Variants in B4GALNT4 observed in about 807,000 individuals in gnomAD.
The protein encoded by B4GALNT4 is N-acetyl-beta-glucosaminyl-glycoprotein 4-beta-N-acetylgalactosaminyltransferase 1.
Under a neutral mutation model 110.0 loss-of-function variants are expected in B4GALNT4, and 77 were observed. That is an observed-to-expected ratio of 0.70 (90% CI 0.58 to 0.85). The LOEUF is 0.85. Among genes scored for constraint, B4GALNT4 ranks in the 40% least tolerant of loss-of-function variants. B4GALNT4 has a pLI of 0.00. For missense variants in B4GALNT4, 1,575 were observed against 1,506.0 expected (o/e 1.05, Z -0.76); for synonymous variants, 785 against 655.5 (o/e 1.20, Z -3.02).
chr11:377,389 AGGTCCT>A (rs1160493777), intron 14 of B4GALNT4, 62 bp downstream of exon 14: 13 of 1,429,972 alleles, frequency 9.1e-6, no homozygotes, highest in Admixed American at 7.9e-5. Context: ...CGGGGAGAGG[AGGTCCT>A]GGCCTTGGCG....
chr11:374,215 C>G (rs1846678374), intron 8 of B4GALNT4, among the ~76,000 whole-genome samples: 1 of 152,070 alleles, frequency 6.6e-6, no homozygotes, highest in South Asian at 2.1e-4. Context: ...GACAGATAGG[C>G]CTTTGTCCTG....
In B4GALNT4 at chr11:373,030, G is replaced by A. The variant is rs764676542; in HGVS notation, c.449G>A (p.Arg150His). 18 of 1,612,374 alleles carry A rather than the reference G, an allele frequency of 1.1e-5. No homozygotes were observed. The highest frequency in any genetic ancestry group is 2.2e-5 in the South Asian group (2 of 91,078). Residue 150 changes from arginine (R) to histidine (H), a missense_variant, in exon 5 of 20, where the codon CGC (arginine) becomes CAC (histidine). By Grantham distance (29) the Arg-to-His change is conservative (BLOSUM62 0). Coordinates refer to ENST00000329962, the MANE Select transcript of B4GALNT4 (RefSeq NM_178537.5). Reference protein sequence around the residue: ...NLHFPLFPHTRTTVKKLAVSP... With the variant: ...NLHFPLFPHTHTTVKKLAVSP... ...CAACAGTCACTGCCCCCCCAGACGC[G>A]CACCACCGTGAAGAAGTTGGCCGTG... is the stretch of plus-strand genomic sequence containing the variant.
At position 375,605 on chromosome 11, in the gene B4GALNT4, G is replaced by A. The variant is rs373642562; in HGVS notation, c.851-34G>A. On this transcript the variant is annotated intron_variant, in intron 9 of 19. Transcript: ENST00000329962. ...GTGAGTGGGAAGAGTGGAGGAGGGG[G>A]TCTGAGCACTCCCTGGAACTCTTCT... The A allele has an allele frequency of 8.1e-6, 13 of 1,598,508 alleles. No individual in the cohort carries two copies. The African/African-American group carries it at 9.3e-5, about 11-fold the overall frequency.
rs773263663 is a variant in B4GALNT4, at chr11:380,297, C to T, written c.2721C>T (p.Ala907=). The T allele has an allele frequency of 6.2e-7, 1 of 1,612,960 alleles. No individual in the cohort carries two copies. The highest frequency in any genetic ancestry group is 1.3e-5 in the African/African-American group (1 of 74,898). ...LQAGVDAVED[A]SSIVFLCDLH... The stretch of plus-strand genomic sequence containing the variant: ...AGACCTCCCGCACCCCCCAGGACGC[C>T]AGCAGCATCGTGTTCCTCTGCGACC... Residue 907 remains alanine (A), a synonymous_variant, in exon 18 of 20, where the codon GCC becomes GCT. Transcript: ENST00000329962.
In B4GALNT4 at chr11:376,872, G is replaced by A; in HGVS notation, c.1749G>A (p.Gln583=). Residue 583 remains glutamine (Q), a synonymous_variant, in exon 14 of 20, where the codon CAG becomes CAA. Transcript: ENST00000329962. ...RPHGRRTGGP[Q]ATQPRPPARA... ...ACGGCCGCAGGACCGGCGGCCCCCA[G>A]GCCACACAGCCGAGGCCCCCAGCCC... is the stretch of plus-strand genomic sequence containing the variant. 1.5e-6 allele frequency: 2 copies of A among 1,333,392 alleles called. No homozygotes were observed. Among genetic ancestry groups the A allele is most frequent in the Non-Finnish European group, 1.9e-6 (2 of 1,045,078 alleles). 82.6% of individuals were successfully genotyped at this position (1,333,392 alleles called of 1,614,324 possible).
intron 2 of B4GALNT4, 126 bp from the exon 3 acceptor site, chr11:372,536 G>A (rs1052358372): frequency 1.2e-6 from 1 of 863,268 alleles, no homozygotes; most frequent in Admixed American, 2.0e-5. Flanking sequence ...GCATGGCTGG[G>A]GCTCACGGGC....
rs1394866677 is a variant in B4GALNT4 at position 379,716 on chromosome 11, C to T, written c.2488+15C>T. ...CATCGTGCCAGGTTCGCAGGGCGGG[C>T]TCGGGGTGTCCGGGAGACCTCGTGG... On this transcript the variant is annotated intron_variant, in intron 15 of 19. Transcript: ENST00000329962. The T allele has an allele frequency of 2.7e-6, 4 of 1,502,094 alleles. No individual in the cohort carries two copies. The highest frequency in any genetic ancestry group is 1.8e-4 in the Middle Eastern group (1 of 5,560). The allele number at this position is 1,502,094 out of a possible 1,614,324, so 93.0% of individuals were successfully genotyped here. A position where few individuals can be genotyped will look rare whatever the true frequency, so the allele number is the denominator to read the frequency against.
Position 377,061 on chromosome 11 carries a change from G to A in B4GALNT4, c.1938G>A (p.Glu646=). The change falls in exon 14 of 20, where the codon GAG becomes GAA. Residue 646 remains glutamate, a synonymous_variant. Coordinates refer to ENST00000329962, the MANE Select transcript of B4GALNT4 (RefSeq NM_178537.5). ...AGCTGCCCGGGGAGGGCGAAGAGGAGGAGGAAGGGGAGGACGATGGGGCCC... is the reference window on the plus strand; with the variant it reads ...AGCTGCCCGGGGAGGGCGAAGAGGAAGAGGAAGGGGAGGACGATGGGGCCC... The part of the protein sequence containing the change: ...GPQLPGEGEE[E]EEGEDDGAPG... 1.0e-5 allele frequency: 15 copies of A among 1,441,616 alleles called. No homozygotes were observed. Among genetic ancestry groups the A allele is most frequent in the Non-Finnish European group, 1.4e-5 (15 of 1,097,728 alleles). 89.3% of individuals were successfully genotyped at this position (1,441,616 alleles called of 1,614,324 possible).
chr11:377,406 G>C (rs1846781846), intron 14 of B4GALNT4, 79 bp downstream of exon 14: 1 of 1,388,640 alleles, frequency 7.2e-7, no homozygotes, highest in Non-Finnish European at 9.4e-7. Flanking sequence ...GGCCTTGGCG[G>C]ACTCCTCAGA....
In B4GALNT4 at chr11:376,480, G is replaced by A. The variant is rs1846756354; in HGVS notation, c.1357G>A (p.Ala453Thr). Residue 453 changes from alanine (A) to threonine (T), a missense_variant, in exon 14 of 20, where the codon GCC becomes ACC. Physicochemically the swap from Ala to Thr is moderately conservative, Grantham distance 58. Coordinates refer to ENST00000329962, the MANE Select transcript of B4GALNT4 (RefSeq NM_178537.5). ...LLDSLEPTEA[A>T]PPRSGPQSPA... ...CGACAGCCTGGAGCCCACCGAGGCGGCCCCGCCCAGGAGCGGCCCCCAGTC... is the reference window on the plus strand; with the variant it reads ...CGACAGCCTGGAGCCCACCGAGGCGACCCCGCCCAGGAGCGGCCCCCAGTC... 1 of 1,587,488 alleles carries A rather than the reference G, an allele frequency of 6.3e-7. No homozygotes were observed. The highest frequency in any genetic ancestry group is 8.5e-7 in the Non-Finnish European group (1 of 1,175,170).
Position 379,569 on chromosome 11 carries a change from G to T in B4GALNT4, c.2356G>T (p.Val786Leu). The T allele has an allele frequency of 6.3e-7, 1 of 1,587,292 alleles. No homozygotes were observed. Among genetic ancestry groups the T allele is most frequent in the Non-Finnish European group, 8.6e-7 (1 of 1,168,772 alleles). ...CTTCCTGCGGCTGCCGGGAGCCCGC[G>T]TAGGGGATGCAGACGGAGAAAGTCC... ...YVFLRLPGAR[V>L]GDADGESPEP... is the part of the protein sequence containing the mutation. Residue 786 changes from valine to leucine, a missense_variant, in exon 15 of 20, where the codon GTA becomes TTA. Val to Leu is a conservative substitution (Grantham distance 32). Coordinates refer to ENST00000329962, the MANE Select transcript of B4GALNT4 (RefSeq NM_178537.5).
In B4GALNT4 at chr11:379,409, G is replaced by T; in HGVS notation, c.2205-9G>T. On this transcript the variant is annotated splice_polypyrimidine_tract_variant and intron_variant, in intron 14 of 19. Coordinates refer to ENST00000329962, the MANE Select transcript of B4GALNT4 (RefSeq NM_178537.5). Reference sequence around the variant, plus strand: ...AGCCCCAGTACCGGCTGACCGCTGAGCCTTGCAGGCGCTTCGCGCTTCTGC... The same window carrying T: ...AGCCCCAGTACCGGCTGACCGCTGATCCTTGCAGGCGCTTCGCGCTTCTGC... 6.7e-7 allele frequency: 1 copy of T among 1,500,574 alleles called. No individual in the cohort carries two copies. The allele number at this position is 1,500,574 out of a possible 1,614,324, so 93.0% of individuals were successfully genotyped here.
rs1329784852 is a variant in B4GALNT4, at chr11:376,566, C to T, written c.1443C>T (p.Arg481=). The change falls in exon 14 of 20, where the codon CGC becomes CGT. Residue 481 remains arginine (R), a synonymous_variant. Coordinates refer to ENST00000329962, the MANE Select transcript of B4GALNT4 (RefSeq NM_178537.5). ...GATLAPPTPP[R]PRDGGTPRHS... ...CCCTCGCCCCGCCGACCCCTCCCCG[C>T]CCCCGGGACGGGGGGACCCCCAGGC... 29 of 1,354,466 alleles carry T rather than the reference C, an allele frequency of 2.1e-5. No individual in the cohort carries two copies. The highest frequency in any genetic ancestry group is 2.4e-5 in the Non-Finnish European group (26 of 1,062,014). The allele number at this position is 1,354,466 out of a possible 1,614,324, so 83.9% of individuals were successfully genotyped here.
Position 380,023 on chromosome 11 carries a change from A to G in B4GALNT4, c.2642+4A>G. On this transcript the variant is annotated splice_donor_region_variant and intron_variant, in intron 16 of 19. Transcript: ENST00000329962. The stretch of plus-strand genomic sequence containing the variant: ...TGCGCGCCGCGCGCCTGCCCCGGTA[A>G]CGACCCCTACTTCCACCTGGGCGGA... 1 of 1,611,432 alleles carries G rather than the reference A, an allele frequency of 6.2e-7. No homozygotes were observed.
In B4GALNT4 at chr11:373,615, C is replaced by T. The variant is rs142833372; in HGVS notation, c.704+99C>T. On this transcript the variant is annotated intron_variant, in intron 7 of 19. Transcript: ENST00000329962. ...TGTGCACACTTGCGCACACTCTGCA[C>T]GAGCACCCGCCCGGCCAAGCTGCCA... The T allele has an allele frequency of 1.3e-4, 191 of 1,522,854 alleles. 1 individual carries two copies. Among genetic ancestry groups the T allele is most frequent in the East Asian group, 8.6e-4 (38 of 44,102 alleles). The allele number at this position is 1,522,854 out of a possible 1,614,324, so 94.3% of individuals were successfully genotyped here.
Position 377,028 on chromosome 11 carries a change from C to T in B4GALNT4, c.1905C>T (p.Ser635=), listed in dbSNP as rs1395800215. ...VTSFLSLSQV[S]GPQLPGEGEE... ...CCTTCCTGAGCTTGTCCCAGGTGTC[C>T]GGGCCGCAGCTGCCCGGGGAGGGCG... Residue 635 remains serine (S), a synonymous_variant, in exon 14 of 20, where the codon TCC becomes TCT. Transcript: ENST00000329962. 23 of 1,439,496 alleles carry T rather than the reference C, an allele frequency of 1.6e-5. No homozygotes were observed. The highest frequency in any genetic ancestry group is 3.0e-5 in the Admixed American group (1 of 33,356). The allele number at this position is 1,439,496 out of a possible 1,614,324, so 89.2% of individuals were successfully genotyped here.
Position 377,216 on chromosome 11 carries a change from C to A in B4GALNT4, c.2093C>A (p.Ser698Ter). Residue 698 changes from serine (S) to a stop codon, truncating the protein, a stop_gained, in exon 14 of 20, where the codon TCG becomes TAG. Transcript: ENST00000329962. LOFTEE classifies it high-confidence loss of function. The part of the protein sequence containing the change: ...VGAVDFELLR[S>*]DWNDLRCNVS... Reference sequence around the variant, plus strand: ...GCCGTGGACTTCGAGCTGCTGCGCTCGGACTGGAACGACCTGCGATGCAAC... The same window carrying A: ...GCCGTGGACTTCGAGCTGCTGCGCTAGGACTGGAACGACCTGCGATGCAAC... The A allele has an allele frequency of 6.3e-7, 1 of 1,596,016 alleles. No individual in the cohort carries two copies. The highest frequency in any genetic ancestry group is 8.5e-7 in the Non-Finnish European group (1 of 1,172,392).
At chr11:376,046 C>A in intron 11 of B4GALNT4, 28 bp from the exon 12 acceptor site, 2 of 1,604,818 alleles carry the variant, frequency 1.2e-6, no homozygotes, top group Non-Finnish European at 1.7e-6. Flanking sequence ...GGTCCGCGCC[C>A]TGAGCCCTGC....
intron 8 of B4GALNT4, among the ~76,000 whole-genome samples, chr11:374,091 G>A (rs565848257): frequency 1.4e-4 from 22 of 152,130 alleles, no homozygotes; most frequent in South Asian, 6.2e-4. Flanking sequence ...GGTGTACGGC[G>A]GATGAATTCC....
Sources: gnomAD v4.1 joint callset for allele counts (sites outside exome capture counted in the v4.1 genomes callset) on GRCh38, gnomAD v4.1.1 for gene constraint, MANE v1.5 for transcripts, NCBI Gene and HGNC (gene_info 2026-07-23, HGNC 2026-07-21) for gene names.